Variants in SKP1 observed in about 807,000 individuals in gnomAD.
SKP1 encodes the protein S-phase kinase associated protein 1.
SKP1 carries 1 observed loss-of-function variant against 21.5 expected under a neutral mutation model. The observed-to-expected ratio is 0.05, with a 90% CI of 0.02 to 0.22. The LOEUF (loss-of-function observed/expected upper bound fraction) is 0.22. Ranked by LOEUF, SKP1 falls within the 10% of genes least tolerant of loss-of-function variation. The pLI is 1.00. For missense variants in SKP1, 70 were observed against 192.0 expected (o/e 0.36, Z 3.76); for synonymous variants, 59 against 59.3 (o/e 0.99, Z 0.03).
intron 2 of SKP1, among the ~76,000 whole-genome samples, chr5:134,170,043 C>G (rs1761411626): frequency 6.6e-6 from 1 of 150,936 alleles, no homozygotes; most frequent in Non-Finnish European, 1.5e-5. Context: ...GTGGCGCATG[C>G]CTGTAATCCC....
At chr5:134,162,337 C>A (rs1274555904) in intron 3 of SKP1, among the ~76,000 whole-genome samples, 1 of 152,162 alleles carries the variant, frequency 6.6e-6, no homozygotes, top group African/African-American at 2.4e-5. Flanking sequence ...AGCAATTCAC[C>A]CACCTTGCCC....
At position 134,158,014 on chromosome 5, in the gene SKP1, C is replaced by A. The variant is rs567228175; in HGVS notation, c.457-246G>T. ...GGGCAATTTACTAAAGTTGACAGAGCAAATTCAGTTAATTCATTCACATTA... is the reference window on the plus strand; with the variant it reads ...GGGCAATTTACTAAAGTTGACAGAGAAAATTCAGTTAATTCATTCACATTA... On this transcript the variant is annotated intron_variant, in intron 5 of 5. Coordinates refer to ENST00000353411, the MANE Select transcript of SKP1 (RefSeq NM_170679.3). The A allele has an allele frequency of 5.4e-6, 8 of 1,492,702 alleles. No homozygotes were observed. The African/African-American group carries it at 9.7e-5, about 18-fold the overall frequency. The allele number at this position is 1,492,702 out of a possible 1,614,324, so 92.5% of individuals were successfully genotyped here.
chr5:134,163,428 A>T (rs528968402), intron 3 of SKP1, among the ~76,000 whole-genome samples: 6 of 150,840 alleles, frequency 4.0e-5, no homozygotes, highest in African/African-American at 9.7e-5. Flanking sequence ...GTACTTCCAT[A>T]GTTTTGGCAT....
intron 1 of SKP1, chr5:134,174,914 CAAAA>C (rs781099659): frequency 4.0e-5 from 6 of 151,010 alleles, no homozygotes; most frequent in Non-Finnish European, 8.9e-5. Context: ...ACAACAACAA[CAAAA>C]AGAATAGCAA....
intron 2 of SKP1, among the ~76,000 whole-genome samples, chr5:134,169,479 A>G (rs949147780): frequency 1.3e-5 from 2 of 152,240 alleles, no homozygotes; most frequent in Non-Finnish European, 2.9e-5. Context: ...AAATACTTTT[A>G]TCTTGAGAAC....
At chr5:134,174,060 GAGAGTTCT>G in intron 1 of SKP1, 38 bp from the exon 2 acceptor site, 1 of 1,263,852 alleles carries the variant, frequency 7.9e-7, no homozygotes, top group Non-Finnish European at 1.2e-6. Flanking sequence ...ATTTAAGAGA[GAGAGTTCT>G]ACATGACATT....
intron 4 of SKP1, among the ~76,000 whole-genome samples, chr5:134,159,298 AT>A (rs1468493709): frequency 6.6e-6 from 1 of 152,100 alleles, no homozygotes; most frequent in African/African-American, 2.4e-5. Context: ...GTAGTTGCAG[AT>A]TTTTCCAGAT....
intron 2 of SKP1, 108 bp downstream of exon 2, chr5:134,173,813 CCTCTT>C: frequency 1.4e-6 from 1 of 735,404 alleles, no homozygotes; most frequent in Non-Finnish European, 2.5e-6. Context: ...GTAAACTTTA[CCTCTT>C]CATACTCTCA....
In SKP1 at chr5:134,150,715, C is replaced by T; in HGVS notation, c.*7018G>A. On this transcript the variant is annotated 3_prime_UTR_variant, in exon 6 of 6. Transcript: ENST00000353411. ...CAAGCAGACCCTGGTTGTGTCAACT[C>T]CCCCAATCCCAACTTATTGTGATAA... 1 of 152,166 alleles carries T rather than the reference C, an allele frequency of 6.6e-6. No individual in the cohort carries two copies. The highest frequency in any genetic ancestry group is 1.5e-5 in the Non-Finnish European group (1 of 68,036). The allele number at this position is 152,166 out of a possible 1,614,324, so 9.4% of individuals were successfully genotyped here. A position where few individuals can be genotyped will look rare whatever the true frequency, so the allele number is the denominator to read the frequency against.
chr5:134,167,287 A>G (rs745326780), intron 2 of SKP1, 44 bp from the exon 3 acceptor site: 2 of 1,217,196 alleles, frequency 1.6e-6, no homozygotes, highest in South Asian at 2.4e-5. Context: ...ATTCCATTAT[A>G]ATACTTATAC....
At chr5:134,169,776 C>T (rs1337212633) in intron 2 of SKP1, among the ~76,000 whole-genome samples, 2 of 152,096 alleles carry the variant, frequency 1.3e-5, no homozygotes, top group African/African-American at 2.4e-5. Flanking sequence ...CAGAGGCAGA[C>T]GTATCACAAG....
In SKP1 at chr5:134,153,865, C is replaced by G. The variant is rs1279771723; in HGVS notation, c.*3868G>C. The stretch of plus-strand genomic sequence containing the variant: ...CACTGTTACTATCCTCCCTCCCCAG[C>G]TAGTTTTAAGATAAGCTCAGCATTA... On this transcript the variant is annotated 3_prime_UTR_variant, in exon 6 of 6. Transcript: ENST00000353411. 1 of 152,166 alleles carries G rather than the reference C, an allele frequency of 6.6e-6. No individual in the cohort carries two copies. Among genetic ancestry groups the G allele is most frequent in the African/African-American group, 2.4e-5 (1 of 41,446 alleles). The allele number at this position is 152,166 out of a possible 1,614,324, so 9.4% of individuals were successfully genotyped here.
Position 134,154,171 on chromosome 5 carries a change from T to C in SKP1, c.*3562A>G, listed in dbSNP as rs1345018456. 1 of 152,164 alleles carries C rather than the reference T, an allele frequency of 6.6e-6. No individual in the cohort carries two copies. Among genetic ancestry groups the C allele is most frequent in the Admixed American group, 6.5e-5 (1 of 15,276 alleles). 9.4% of individuals were successfully genotyped at this position (152,164 alleles called of 1,614,324 possible). The stretch of plus-strand genomic sequence containing the variant: ...TACAACTTAAGAATTATTAGGGCCG[T>C]GTGCGGTGGGTCACACGTGTAACCT... On this transcript the variant is annotated 3_prime_UTR_variant, in exon 6 of 6. Coordinates refer to ENST00000353411, the MANE Select transcript of SKP1 (RefSeq NM_170679.3).
chr5:134,167,526 G>C (rs1761353576), intron 2 of SKP1, among the ~76,000 whole-genome samples: 1 of 150,756 alleles, frequency 6.6e-6, no homozygotes, highest in Admixed American at 6.6e-5. Flanking sequence ...ATCTAGAGAG[G>C]GGTTTTTTTT....
At position 134,174,037 on chromosome 5, in the gene SKP1, C is replaced by G; in HGVS notation, c.1-15G>C. 1 of 1,467,454 alleles carries G rather than the reference C, an allele frequency of 6.8e-7. No homozygotes were observed. Among genetic ancestry groups the G allele is most frequent in the Non-Finnish European group, 9.6e-7 (1 of 1,046,294 alleles). 90.9% of individuals were successfully genotyped at this position (1,467,454 alleles called of 1,614,324 possible). On this transcript the variant is annotated splice_polypyrimidine_tract_variant and intron_variant, in intron 1 of 5. Transcript: ENST00000353411. ...ATTGAAGGCATCTAAAAAAAAAGGA[C>G]ATTAAATATAAAATTTAAGAGAGAG...
chr5:134,173,703 T>C lies in SKP1; in HGVS notation c.97+223A>G, dbSNP rs543376642. The C allele has an allele frequency of 9.6e-6, 6 of 626,798 alleles. No individual in the cohort carries two copies. In the African/African-American group the frequency reaches 1.1e-4, roughly 11 times the overall value. 38.8% of individuals were successfully genotyped at this position (626,798 alleles called of 1,614,324 possible). A position where few individuals can be genotyped will look rare whatever the true frequency, so the allele number is the denominator to read the frequency against. On this transcript the variant is annotated intron_variant, in intron 2 of 5. Transcript: ENST00000353411. ...AATCACTTCAATGTTTATTTTACCT[T>C]ATGATTTTATCCATTTAATGAGAGA...
intron 2 of SKP1, among the ~76,000 whole-genome samples, chr5:134,171,473 C>T (rs1217687274): frequency 6.6e-6 from 1 of 152,202 alleles, no homozygotes; most frequent in Non-Finnish European, 1.5e-5. Flanking sequence ...TAAAACAAGT[C>T]TACTTATCTC....
intron 4 of SKP1, 145 bp from the exon 5 acceptor site, chr5:134,158,740 C>G (rs1761164855): frequency 2.8e-6 from 2 of 705,472 alleles, no homozygotes; most frequent in South Asian, 1.8e-5. Context: ...CTCCTAAGTT[C>G]TTCTGTGAAA....
chr5:134,174,096 T>G, intron 1 of SKP1, 74 bp from the exon 2 acceptor site: 1 of 894,436 alleles, frequency 1.1e-6, no homozygotes, highest in Non-Finnish European at 1.9e-6. Flanking sequence ...CTACAGTCCA[T>G]CAGAAGGCTC....
Sources: gnomAD v4.1 joint callset for allele counts (sites outside exome capture counted in the v4.1 genomes callset) on GRCh38, gnomAD v4.1.1 for gene constraint, MANE v1.5 for transcripts, NCBI Gene and HGNC (gene_info 2026-07-23, HGNC 2026-07-21) for gene names.